Variants in DUSP16 observed in about 807,000 individuals in gnomAD.
DUSP16 encodes the protein dual specificity protein phosphatase 16.
DUSP16 carries 21 observed loss-of-function variants against 58.3 expected under a neutral mutation model. The observed-to-expected ratio is 0.36, with a 90% CI of 0.26 to 0.52. The LOEUF is 0.52. Among genes scored for constraint, DUSP16 ranks in the 20% least tolerant of loss-of-function variants. DUSP16 has a pLI of 0.94. For synonymous variants in DUSP16, 320 were observed against 323.8 expected (o/e 0.99, Z 0.12); for missense variants, 726 against 819.0 (o/e 0.89, Z 1.39).
At chr12:12,504,691 T>TA (rs57833371) in intron 3 of DUSP16, among the ~76,000 whole-genome samples, 38 of 119,126 alleles carry the variant, frequency 3.2e-4, no homozygotes, top group Admixed American at 1.6e-3. Context: ...CAATCTCTGT[T>TA]AAAAAAAAAA....
At chr12:12,528,858 CG>C (rs1191714306) in intron 1 of DUSP16, among the ~76,000 whole-genome samples, 1 of 151,856 alleles carries the variant, frequency 6.6e-6, no homozygotes, top group East Asian at 1.9e-4. Flanking sequence ...AAAGGGTGTG[CG>C]GGGGTGGCTG....
intron 1 of DUSP16, among the ~76,000 whole-genome samples, chr12:12,536,172 T>C (rs1944459909): frequency 1.3e-5 from 2 of 152,302 alleles, no homozygotes; most frequent in South Asian, 2.1e-4. Flanking sequence ...CTATAAAACC[T>C]GAGAGCCAAG....
At chr12:12,542,388 G>GAAAAAAAAAAAA (rs56822339) in intron 1 of DUSP16, among the ~76,000 whole-genome samples, 3 of 109,704 alleles carry the variant, frequency 2.7e-5, no homozygotes, top group Non-Finnish European at 3.6e-5. Context: ...AAAGAAAAGA[G>GAAAAAAAAAAAA]AAAAAAAAAA....
At chr12:12,538,018 T>TA (rs1352096336) in intron 1 of DUSP16, among the ~76,000 whole-genome samples, 1 of 152,166 alleles carries the variant, frequency 6.6e-6, no homozygotes, top group Non-Finnish European at 1.5e-5. Flanking sequence ...AGAAACTTGA[T>TA]AAAAATGCCC....
At chr12:12,516,995 G>A (rs557390457) in intron 3 of DUSP16, among the ~76,000 whole-genome samples, 2 of 152,254 alleles carry the variant, frequency 1.3e-5, no homozygotes, top group East Asian at 3.9e-4. Flanking sequence ...CATGTAAGTA[G>A]GTCCTCCAGG....
chr12:12,528,448 G>A (rs1254951424), intron 1 of DUSP16, among the ~76,000 whole-genome samples: 1 of 152,150 alleles, frequency 6.6e-6, no homozygotes, highest in Non-Finnish European at 1.5e-5. Context: ...TTTTAGAAGG[G>A]TATTTTCAGT....
chr12:12,483,018 C>A (rs780393980), intron 5 of DUSP16, among the ~76,000 whole-genome samples: 37 of 152,252 alleles, frequency 2.4e-4, no homozygotes, highest in Middle Eastern at 3.4e-3. Flanking sequence ...CCAAGGCTAC[C>A]TTTTTAACGC....
rs372167746 is a variant in DUSP16 at position 12,477,188 on chromosome 12, G to A, written c.1643C>T (p.Thr548Ile). ...GCTGCTGGTCAGGGAAGGGGTAGAG[G>A]TCTGGGGGGCCAAGATATCCGAGTG... ...GWHSDILAPQTSTPSLTSSWY... is the reference protein window; with the variant it reads ...GWHSDILAPQISTPSLTSSWY... Residue 548 changes from threonine to isoleucine, a missense_variant, in exon 7 of 7, where the codon ACC becomes ATC. By Grantham distance (89) the Thr-to-Ile change is moderately conservative. Coordinates refer to ENST00000298573, the MANE Select transcript of DUSP16 (RefSeq NM_030640.3). This position sits in a 1 kb window ranked among gnomAD's most constrained non-coding sequence, Gnocchi z 4.1. 1.4e-4 allele frequency: 233 copies of A among 1,614,092 alleles called. No individual in the cohort carries two copies. The highest frequency in any genetic ancestry group is 2.0e-4 in the Non-Finnish European group (232 of 1,180,044).
intron 5 of DUSP16, among the ~76,000 whole-genome samples, chr12:12,481,709 CACTA>C (rs1366548502): frequency 6.6e-6 from 1 of 151,886 alleles, no homozygotes; most frequent in Non-Finnish European, 1.5e-5. Flanking sequence ...CACAATAAAA[CACTA>C]ACAAATGAAT....
At chr12:12,484,598 G>A (rs1943641811) in intron 5 of DUSP16, among the ~76,000 whole-genome samples, 1 of 152,010 alleles carries the variant, frequency 6.6e-6, no homozygotes, top group African/African-American at 2.4e-5. Context: ...CGTGCAATGG[G>A]AACATTAACC....
chr12:12,486,312 A>G (rs905421829), intron 5 of DUSP16, among the ~76,000 whole-genome samples: 3 of 152,100 alleles, frequency 2.0e-5, no homozygotes, highest in African/African-American at 7.2e-5. Context: ...CCAAATACAC[A>G]TCACCAAGTT....
intron 4 of DUSP16, among the ~76,000 whole-genome samples, chr12:12,498,399 A>ATTATATAT (rs1555165163): frequency 1.4e-5 from 2 of 146,668 alleles, no homozygotes; most frequent in Admixed American, 1.4e-4. Context: ...TTTATTTTTT[A>ATTATATAT]TTATTTATTT....
intron 1 of DUSP16, among the ~76,000 whole-genome samples, chr12:12,542,868 G>A (rs1944586024): frequency 6.6e-6 from 1 of 151,988 alleles, no homozygotes. Context: ...TCTGAAACTG[G>A]GGCCTTTAGA....
At chr12:12,495,680 G>C (rs1943818478) in intron 4 of DUSP16, among the ~76,000 whole-genome samples, 1 of 152,188 alleles carries the variant, frequency 6.6e-6, no homozygotes, top group East Asian at 1.9e-4. Flanking sequence ...GTGAGGCTGA[G>C]GACAGAGATC....
chr12:12,532,965 AAAG>A (rs760030390), intron 1 of DUSP16, among the ~76,000 whole-genome samples: 7 of 149,048 alleles, frequency 4.7e-5, no homozygotes, highest in Non-Finnish European at 8.9e-5. Flanking sequence ...AAAAAAAAAC[AAAG>A]AAGATGAACA....
chr12:12,555,376 G>A (rs574413809), intron 1 of DUSP16, among the ~76,000 whole-genome samples: 1 of 152,094 alleles, frequency 6.6e-6, no homozygotes, highest in Non-Finnish European at 1.5e-5. Context: ...ATAATGGAAC[G>A]GCTATAAAAA....
In DUSP16 at chr12:12,553,680, C is replaced by T. The variant is rs373300422; in HGVS notation, c.-366+8437G>A. On this transcript the variant is annotated intron_variant, in intron 1 of 6. Transcript: ENST00000298573. ...ACCTGAGCCCCACGAGTGGCTGGGA[C>T]TACAGGTGTGCACCATCACACCCAG... 4.7e-4 allele frequency among the ~76,000 whole-genome samples: 71 copies of T among 152,084 alleles called. No homozygotes were observed. In the East Asian group the frequency reaches 0.012, roughly 26 times the overall value.
At position 12,475,711 on chromosome 12, in the gene DUSP16, T is replaced by C. The variant is rs1473973159; in HGVS notation, c.*1122A>G. 1.3e-5 allele frequency: 2 copies of C among 152,220 alleles called. No homozygotes were observed. The highest frequency in any genetic ancestry group is 2.1e-4 in the South Asian group (1 of 4,828). The allele number at this position is 152,220 out of a possible 1,614,324, so 9.4% of individuals were successfully genotyped here. ...GGTTTCCTGCTTCTCCTCAGCAATT[T>C]GTACCTTTCTTAATCTTCCCATAAT... is the stretch of plus-strand genomic sequence containing the variant. On this transcript the variant is annotated 3_prime_UTR_variant, in exon 7 of 7. Transcript: ENST00000298573.
intron 3 of DUSP16, chr12:12,506,191 G>A (rs1943994474): frequency 6.6e-6 from 1 of 152,150 alleles, no homozygotes; most frequent in Admixed American, 6.5e-5. Context: ...ACTAACTGTG[G>A]CCTCACCAGC....
Sources: allele counts gnomAD v4.1 joint callset (sites outside exome capture counted in the v4.1 genomes callset), GRCh38; gene constraint gnomAD v4.1.1; non-coding constraint Gnocchi (gnomAD v3.1); transcripts MANE v1.5; gene names NCBI Gene and HGNC (gene_info 2026-07-23, HGNC 2026-07-21).